The following MYO5B variants were observed in gnomAD, a reference collection of about 807,000 sequenced individuals.
The protein encoded by MYO5B is unconventional myosin-Vb.
In MYO5B, 143 loss-of-function variants were observed where a neutral mutation model predicts 229.3. The ratio of observed to expected loss-of-function variants is 0.62; its 90% CI spans 0.54 to 0.72. The LOEUF is 0.72. Among genes scored for constraint, MYO5B ranks in the 30% least tolerant of loss-of-function variants. The probability of loss-of-function intolerance (pLI) is 0.00; values close to 1 mark genes in which losing one functional copy is unlikely to be tolerated. For missense variants in MYO5B, 2,321 were observed against 2,331.0 expected (o/e 1.00, Z 0.09); for synonymous variants, 918 against 885.2 (o/e 1.04, Z -0.66).
intron 1 of MYO5B, among the ~76,000 whole-genome samples, chr18:50,115,822 A>AC (rs1230436256): frequency 8.8e-6 from 1 of 113,892 alleles, no homozygotes; most frequent in African/African-American, 3.3e-5. Flanking sequence ...GGTATGTGGG[A>AC]GGGGGGAGGG....
At chr18:50,115,816 T>A (rs1374795295) in intron 1 of MYO5B, among the ~76,000 whole-genome samples, 2 of 136,770 alleles carry the variant, frequency 1.5e-5, no homozygotes. Flanking sequence ...TCTGTGGGTA[T>A]GTGGGAGGGG....
chr18:49,954,538 G>C, intron 12 of MYO5B, 103 bp from the exon 13 acceptor site: 1 of 1,460,842 alleles, frequency 6.8e-7, no homozygotes, highest in Non-Finnish European at 9.6e-7. Flanking sequence ...TGTGAAGGTT[G>C]ATTCAGCCCT....
chr18:50,012,819 A>G (rs1472887706), intron 4 of MYO5B, among the ~76,000 whole-genome samples: 1 of 152,232 alleles, frequency 6.6e-6, no homozygotes, highest in African/African-American at 2.4e-5. Flanking sequence ...CCCAAAGTAG[A>G]CAAAGGTTAG....
chr18:50,042,716 C>T (rs2030056847), intron 2 of MYO5B, among the ~76,000 whole-genome samples: 1 of 152,140 alleles, frequency 6.6e-6, no homozygotes, highest in South Asian at 2.1e-4. Flanking sequence ...ACAAAGCATC[C>T]CAACCACACC....
intron 1 of MYO5B, among the ~76,000 whole-genome samples, chr18:50,178,083 C>T (rs555362078): frequency 5.3e-5 from 8 of 152,194 alleles, no homozygotes; most frequent in Non-Finnish European, 1.0e-4. Context: ...AAAAGACTCT[C>T]GAATACTTGT....
intron 10 of MYO5B, among the ~76,000 whole-genome samples, chr18:49,964,423 C>T (rs1040834581): frequency 1.3e-4 from 20 of 151,834 alleles, no homozygotes; most frequent in East Asian, 7.7e-4. Context: ...ATTTTTATAT[C>T]GAGATGTTCT....
intron 30 of MYO5B, among the ~76,000 whole-genome samples, chr18:49,854,192 A>G (rs1034350268): frequency 6.6e-5 from 10 of 152,202 alleles, no homozygotes; most frequent in Admixed American, 6.5e-5. Context: ...TATTTTATAC[A>G]TACAATTATT....
intron 10 of MYO5B, 119 bp downstream of exon 10, chr18:49,974,231 T>C: frequency 1.3e-6 from 2 of 1,482,072 alleles, no homozygotes; most frequent in Admixed American, 1.7e-5. Flanking sequence ...CCCCACACAT[T>C]TTAAACTGCC....
At chr18:49,891,666 C>G (rs1017876829) in intron 22 of MYO5B, among the ~76,000 whole-genome samples, 1 of 152,116 alleles carries the variant, frequency 6.6e-6, no homozygotes, top group African/African-American at 2.4e-5. Flanking sequence ...AGAGCACAAC[C>G]CCCTCTTGGC....
chr18:49,857,518 T>A (rs1391057467), intron 29 of MYO5B, among the ~76,000 whole-genome samples: 1 of 152,112 alleles, frequency 6.6e-6, no homozygotes, highest in Admixed American at 6.5e-5. Flanking sequence ...ACAAAAATAT[T>A]AACTAATCTT....
chr18:49,977,113 G>C (rs1307688659), intron 9 of MYO5B, among the ~76,000 whole-genome samples: 1 of 152,106 alleles, frequency 6.6e-6, no homozygotes, highest in Non-Finnish European at 1.5e-5. Context: ...AACCACCCTG[G>C]GGACCGGCTT....
intron 1 of MYO5B, among the ~76,000 whole-genome samples, chr18:50,097,019 A>T (rs1219681273): frequency 6.6e-6 from 1 of 152,196 alleles, no homozygotes; most frequent in Non-Finnish European, 1.5e-5. Flanking sequence ...AGGGAAACCA[A>T]CACTGCAGCA....
chr18:49,933,761 G>A (rs558902303), intron 16 of MYO5B, among the ~76,000 whole-genome samples: 2 of 152,326 alleles, frequency 1.3e-5, no homozygotes, highest in East Asian at 3.9e-4. Flanking sequence ...CCGATTACAG[G>A]AAATGGGTGG....
At chr18:50,021,657 T>C (rs2026276033) in intron 4 of MYO5B, among the ~76,000 whole-genome samples, 1 of 148,684 alleles carries the variant, frequency 6.7e-6, no homozygotes, top group South Asian at 2.1e-4. Context: ...CAGGTTCTTC[T>C]GCATCCTAAC....
At chr18:49,918,121 G>A (rs867329338) in intron 17 of MYO5B, among the ~76,000 whole-genome samples, 1 of 152,236 alleles carries the variant, frequency 6.6e-6, no homozygotes. Context: ...GCTTTGGGAT[G>A]TTGTTTGGCT....
intron 1 of MYO5B, among the ~76,000 whole-genome samples, chr18:50,182,308 A>G (rs954879404): frequency 2.6e-5 from 4 of 152,206 alleles, no homozygotes; most frequent in African/African-American, 7.2e-5. Context: ...GTGGATATCC[A>G]TACATGCCCC....
At position 49,839,402 on chromosome 18, in the gene MYO5B, C is replaced by T. The variant is rs539719133; in HGVS notation, c.4702-108G>A. ...ATCTATTTGGTGGGCAGGGGGCCTACTCAGGCCCTCCCTATGTAGATGATG... is the reference window on the plus strand; with the variant it reads ...ATCTATTTGGTGGGCAGGGGGCCTATTCAGGCCCTCCCTATGTAGATGATG... On this transcript the variant is annotated intron_variant, in intron 35 of 39. Coordinates refer to ENST00000285039, the MANE Select transcript of MYO5B (RefSeq NM_001080467.3). The T allele has an allele frequency of 4.8e-4, 573 of 1,199,372 alleles. 7 individuals are homozygous for T. In the South Asian group the frequency reaches 5.3e-3, roughly 11 times the overall value. 74.3% of individuals were successfully genotyped at this position (1,199,372 alleles called of 1,614,324 possible).
At chr18:50,053,096 G>A (rs142159278) in intron 2 of MYO5B, among the ~76,000 whole-genome samples, 119 of 152,254 alleles carry the variant, frequency 7.8e-4, no homozygotes, top group Non-Finnish European at 1.5e-3. Flanking sequence ...GTGTGGCCAC[G>A]TAATTTCTGT....
intron 16 of MYO5B, among the ~76,000 whole-genome samples, chr18:49,934,320 A>G (rs1248377540): frequency 6.6e-6 from 1 of 152,258 alleles, no homozygotes; most frequent in Non-Finnish European, 1.5e-5. Context: ...AGCTCAAACT[A>G]GAATCCCGGT....
Sources: allele counts gnomAD v4.1 joint callset (sites outside exome capture counted in the v4.1 genomes callset), GRCh38; gene constraint gnomAD v4.1.1; transcripts MANE v1.5; gene names NCBI Gene and HGNC (gene_info 2026-07-23, HGNC 2026-07-21).